BRCA1: variants seen among roughly 807,000 people sequenced by gnomAD.
BRCA1 encodes BRCA1 DNA repair associated.
A neutral mutation model predicts 173.7 loss-of-function variants in BRCA1; 140 were observed. The ratio of observed to expected loss-of-function variants is 0.81; its 90% confidence interval spans 0.70 to 0.93. The LOEUF (loss-of-function observed/expected upper bound fraction) is 0.93. BRCA1 is among the 40% of genes least tolerant of loss of function. BRCA1 has a pLI of 0.00. For missense variants in BRCA1, 1,983 were observed against 2,172.5 expected, an observed-to-expected ratio of 0.91 and a Z score of 1.73; for synonymous variants, 662 against 756.0, an observed-to-expected ratio of 0.88 and a Z score of 2.04.
intron 2 of BRCA1, among the ~76,000 whole-genome samples, chr17:43,120,940 T>C (rs1311898155): frequency 6.6e-6 from 1 of 151,380 alleles, no homozygotes; most frequent in Non-Finnish European, 1.5e-5. Context: ...GGCGTGCGCC[T>C]ATAATCCCAG....
chr17:43,124,834 G>A lies in BRCA1; in HGVS notation c.-20+437C>T, dbSNP rs1325199812. ...TGCAATGGCGCGATCTCGGCTCACTGCAACCTCCGCCTCCCGGGTTCTAGC... is the reference window on the plus strand; with the variant it reads ...TGCAATGGCGCGATCTCGGCTCACTACAACCTCCGCCTCCCGGGTTCTAGC... On this transcript the variant is annotated intron_variant, in intron 1 of 22. Coordinates refer to ENST00000357654, the MANE Select transcript of BRCA1 (RefSeq NM_007294.4). 45 of 294,886 alleles carry A rather than the reference G, an allele frequency of 1.5e-4. No individual in the cohort carries two copies. The Admixed American group carries it at 2.0e-3, about 13-fold the overall frequency. 18.3% of individuals were successfully genotyped at this position (294,886 alleles called of 1,614,324 possible).
rs2055997062 is a variant in BRCA1, at chr17:43,134,250, C to T, written c.-19-10135G>A. Among the ~76,000 whole-genome samples the T allele has an allele frequency of 2.0e-5, 3 of 152,308 alleles. 1 individual carries two copies. The South Asian group carries it at 6.2e-4, about 32-fold the overall frequency. On this transcript the variant is annotated intron_variant, in intron 1 of 7. Transcript: ENST00000634433. ...GAAACATGCATTTCCCTCTCCTCCG[C>T]CCCCCTCCTTCATGATCCATGCTTT... is the stretch of plus-strand genomic sequence containing the variant.
chr17:43,045,716 T>C lies in BRCA1; in HGVS notation c.5554A>G (p.Thr1852Ala), dbSNP rs1555574370. 6.2e-7 allele frequency: 1 copy of C among 1,613,900 alleles called. No individual in the cohort carries two copies. Among genetic ancestry groups the C allele is most frequent in the Non-Finnish European group, 8.5e-7 (1 of 1,179,918 alleles). Residue 1852 changes from threonine (T) to alanine (A), a missense_variant, in exon 23 of 23, where the codon ACC (threonine) becomes GCC (alanine). Thr to Ala is a moderately conservative substitution (Grantham distance 58). Coordinates refer to ENST00000357654, the MANE Select transcript of BRCA1 (RefSeq NM_007294.4). ...TGGGGGATCTGGGGTATCAGGTAGG[T>C]GTCCAGCTCCTGGCACTGGTAGAGT... ...VALYQCQELDTYLIPQIPHSH... is the reference protein window; with the variant it reads ...VALYQCQELDAYLIPQIPHSH...
chr17:43,082,504 T>C lies in BRCA1; in HGVS notation c.4257A>G (p.Glu1419=), dbSNP rs2154154906. ...QEMAELEAVL[E]QHGSQPSNSY... Reference sequence around the variant, plus strand: ...TGTTAGAAGGCTGGCTCCCATGCTGTTCTAACACAGCTTCTAGTTCAGCCA... The same window carrying C: ...TGTTAGAAGGCTGGCTCCCATGCTGCTCTAACACAGCTTCTAGTTCAGCCA... Residue 1419 remains glutamate (E), a synonymous_variant, in exon 12 of 23, where the codon GAA becomes GAG. Coordinates refer to ENST00000357654, the MANE Select transcript of BRCA1 (RefSeq NM_007294.4). The C allele has an allele frequency of 6.2e-7, 1 of 1,614,220 alleles. No individual in the cohort carries two copies. The highest frequency in any genetic ancestry group is 8.5e-7 in the Non-Finnish European group (1 of 1,180,034).
At chr17:43,064,934 C>T (rs2051994621) in intron 16 of BRCA1, among the ~76,000 whole-genome samples, 2 of 150,926 alleles carry the variant, frequency 1.3e-5, no homozygotes, top group African/African-American at 4.9e-5. Flanking sequence ...GGGTTCATGC[C>T]ATTCTCCTGC....
intron 13 of BRCA1, among the ~76,000 whole-genome samples, chr17:43,075,754 GACTACAT>G: frequency 6.6e-6 from 1 of 152,166 alleles, no homozygotes; most frequent in African/African-American, 2.4e-5. Flanking sequence ...AATAGTACTG[GACTACAT>G]AGTCCAGTAC....
intron 12 of BRCA1, among the ~76,000 whole-genome samples, chr17:43,080,978 G>A (rs763650426): frequency 6.6e-6 from 1 of 152,014 alleles, no homozygotes; most frequent in Non-Finnish European, 1.5e-5. Flanking sequence ...GGGAGAAAAA[G>A]GCTCAAAACT....
At chr17:43,052,677 G>A (rs2051288640) in intron 19 of BRCA1, among the ~76,000 whole-genome samples, 1 of 151,628 alleles carries the variant, frequency 6.6e-6, no homozygotes, top group South Asian at 2.1e-4. Flanking sequence ...AATTCACCTG[G>A]CTTCAAAGAG....
At chr17:43,062,186 T>C (rs1308196730) in intron 18 of BRCA1, among the ~76,000 whole-genome samples, 3 of 135,650 alleles carry the variant, frequency 2.2e-5, no homozygotes, top group African/African-American at 7.6e-5. Context: ...CTTGAACTCC[T>C]GGGCTCAAGT....
chr17:43,090,740 G>A (rs1183785384), intron 11 of BRCA1, among the ~76,000 whole-genome samples: 1 of 152,166 alleles, frequency 6.6e-6, no homozygotes, highest in East Asian at 1.9e-4. Flanking sequence ...GGCTGTGTGT[G>A]CGCGTGTGCG....
At position 43,056,675 on chromosome 17, in the gene BRCA1, GA is replaced by G. The variant is rs113472038; in HGVS notation, c.5277+376del. 3.5e-3 allele frequency among the ~76,000 whole-genome samples: 505 copies of G among 142,966 alleles called. 6 individuals are homozygous for G. The highest frequency in any genetic ancestry group is 0.012 in the African/African-American group (472 of 38,994). 93.8% of individuals were successfully genotyped at this position (142,966 alleles called of 152,430 possible). On this transcript the variant is annotated intron_variant, in intron 19 of 22. Coordinates refer to ENST00000357654, the MANE Select transcript of BRCA1 (RefSeq NM_007294.4). ...GCAATGGAGTGAGACTCCGTCTTGG[GA>G]AAAAAAAAAAGAGAGAGAGAGAGCA...
Position 43,095,800 on chromosome 17 carries a change from C to T in BRCA1, c.670+46G>A, listed in dbSNP as rs748966067. 1 of 1,455,740 alleles carries T rather than the reference C, an allele frequency of 6.9e-7. No individual in the cohort carries two copies. Among genetic ancestry groups the T allele is most frequent in the South Asian group, 1.2e-5 (1 of 86,306 alleles). The allele number at this position is 1,455,740 out of a possible 1,614,324, so 90.2% of individuals were successfully genotyped here. Reference sequence around the variant, plus strand: ...AATCTAATTACAGTACTGTATCTACCCACTCTCTTTTCAGTGCCTGTTAAG... The same window carrying T: ...AATCTAATTACAGTACTGTATCTACTCACTCTCTTTTCAGTGCCTGTTAAG... On this transcript the variant is annotated intron_variant, in intron 9 of 22. Transcript: ENST00000357654.
chr17:43,155,461 C>T (rs1413716269), intron 1 of BRCA1, among the ~76,000 whole-genome samples: 1 of 152,102 alleles, frequency 6.6e-6, no homozygotes, highest in East Asian at 1.9e-4. Flanking sequence ...GAATGACTGG[C>T]CTCAAGCAGT....
chr17:43,063,913 G>A lies in BRCA1; in HGVS notation c.5113C>T (p.Leu1705=), dbSNP rs80356858. The change falls in exon 17 of 23, where the codon CTA becomes TTA. Residue 1705 remains leucine (L), a synonymous_variant. Transcript: ENST00000357654. ...ACCCATTTTCCTCCCGCAATTCCTAGAAAATATTTCAGTGTCCGTTCACAC... is the reference window on the plus strand; with the variant it reads ...ACCCATTTTCCTCCCGCAATTCCTAAAAAATATTTCAGTGTCCGTTCACAC... ...FVCERTLKYF[L]GIAGGKWVVS... The A allele has an allele frequency of 6.2e-7, 1 of 1,614,058 alleles. No homozygotes were observed. Among genetic ancestry groups the A allele is most frequent in the Non-Finnish European group, 8.5e-7 (1 of 1,179,980 alleles).
intron 4 of BRCA1, among the ~76,000 whole-genome samples, chr17:43,106,119 A>T (rs1338917151): frequency 7.3e-6 from 1 of 136,832 alleles, no homozygotes; most frequent in Non-Finnish European, 1.6e-5. Flanking sequence ...ACCCTGTCTT[A>T]AAAAAAAAAA....
At chr17:43,076,676 G>C in intron 12 of BRCA1, 62 bp from the exon 13 acceptor site, 1 of 1,583,788 alleles carries the variant, frequency 6.3e-7, no homozygotes, top group Non-Finnish European at 8.6e-7. Flanking sequence ...GATAATTCAG[G>C]TTAGAATACT....
intron 12 of BRCA1, among the ~76,000 whole-genome samples, chr17:43,082,091 C>T (rs2053025088): frequency 6.6e-6 from 1 of 152,188 alleles, no homozygotes; most frequent in South Asian, 2.1e-4. Flanking sequence ...TATGGGGTTG[C>T]CTGTCACCAA....
At chr17:43,166,119 C>T (rs2175955) in intron 1 of BRCA1, 130,840 of 150,736 alleles carry the variant, frequency 0.87, 59,594 homozygotes, top group East Asian at 1. Context: ...TTTGCCTCTG[C>T]CTCTTCCTCT....
At chr17:43,085,292 C>T (rs1040862460) in intron 11 of BRCA1, among the ~76,000 whole-genome samples, 1 of 151,664 alleles carries the variant, frequency 6.6e-6, no homozygotes. Flanking sequence ...ACCCAGGTGG[C>T]GGAAGTGCAG....
Sources: allele counts gnomAD v4.1 joint callset (sites outside exome capture counted in the v4.1 genomes callset), GRCh38; gene constraint gnomAD v4.1.1; transcripts MANE v1.5; gene names NCBI Gene and HGNC (gene_info 2026-07-23, HGNC 2026-07-21).